SNAP91: variants seen among roughly 807,000 people sequenced by gnomAD.
SNAP91 encodes the protein clathrin coat assembly protein AP180.
In SNAP91, 27 loss-of-function variants were observed where a neutral mutation model predicts 100.3. The ratio of observed to expected loss-of-function variants is 0.27; its 90% CI spans 0.20 to 0.37. The LOEUF (loss-of-function observed/expected upper bound fraction) is 0.37. SNAP91 is among the 10% of genes least tolerant of loss of function. SNAP91 has a pLI of 1.00. For missense variants in SNAP91, 986 were observed against 1,123.7 expected (o/e 0.88, Z 1.75); for synonymous variants, 404 against 398.6 (o/e 1.01, Z -0.16).
intron 22 of SNAP91, among the ~76,000 whole-genome samples, chr6:83,586,275 T>C (rs951902822): frequency 2.6e-5 from 4 of 152,252 alleles, no homozygotes; most frequent in African/African-American, 9.6e-5. Context: ...GGCATGTTTG[T>C]ATTTTAAATT....
Position 83,556,179 on chromosome 6 carries a change from C to T in SNAP91, c.2698G>A (p.Asp900Asn), listed in dbSNP as rs1279310471. ...KKPPAKDPLA[D>N]LNIKDFL Reference sequence around the variant, plus strand: ...TACAAGAAATCCTTGATGTTAAGATCCGCTAATGGGTCCTTTGCTGGAGGT... The same window carrying T: ...TACAAGAAATCCTTGATGTTAAGATTCGCTAATGGGTCCTTTGCTGGAGGT... Residue 900 changes from aspartate to asparagine, a missense_variant, in exon 29 of 30, where the codon GAT (aspartate) becomes AAT (asparagine). Around this residue, in one of 4 missense-constraint regions of SNAP91, gnomAD observed 71 missense variants for 68.5 expected, o/e 1.04. Coordinates refer to ENST00000369694, the MANE Select transcript of SNAP91 (RefSeq NM_001242792.2). 6.4e-7 allele frequency: 1 copy of T among 1,570,824 alleles called. No individual in the cohort carries two copies. The highest frequency in any genetic ancestry group is 8.6e-7 in the Non-Finnish European group (1 of 1,157,472).
intron 8 of SNAP91, among the ~76,000 whole-genome samples, chr6:83,637,881 C>T (rs2097529567): frequency 6.6e-6 from 1 of 152,188 alleles, no homozygotes; most frequent in African/African-American, 2.4e-5. Flanking sequence ...TGAAACCAGG[C>T]CTGCAGATTT....
intron 2 of SNAP91, among the ~76,000 whole-genome samples, chr6:83,689,836 G>A: frequency 6.6e-6 from 1 of 151,862 alleles, no homozygotes. Context: ...TAGCAGTCTT[G>A]CATTCCTTTC....
At chr6:83,695,512 A>T (rs1203740575) in intron 2 of SNAP91, among the ~76,000 whole-genome samples, 1 of 152,150 alleles carries the variant, frequency 6.6e-6, no homozygotes, top group Non-Finnish European at 1.5e-5. Flanking sequence ...ACATTGATGC[A>T]ACAAATTTGG....
chr6:83,561,464 T>C (rs1445369994), intron 26 of SNAP91, among the ~76,000 whole-genome samples: 1 of 152,212 alleles, frequency 6.6e-6, no homozygotes, highest in East Asian at 1.9e-4. Context: ...AAAATGGTTC[T>C]AGCACCACAT....
At chr6:83,569,253 T>C (rs1283949695) in intron 26 of SNAP91, among the ~76,000 whole-genome samples, 1 of 152,316 alleles carries the variant, frequency 6.6e-6, no homozygotes, top group East Asian at 1.9e-4. Flanking sequence ...CTAATTTCTC[T>C]TTCCGTAGCT....
intron 20 of SNAP91, 61 bp downstream of exon 20, chr6:83,592,882 CCTT>C: frequency 1.7e-6 from 2 of 1,207,266 alleles, no homozygotes; most frequent in African/African-American, 1.5e-5. Context: ...CATGTTATAT[CCTT>C]CTCTCTATGC....
intron 2 of SNAP91, among the ~76,000 whole-genome samples, chr6:83,682,306 G>A (rs2099001130): frequency 6.6e-6 from 1 of 150,820 alleles, no homozygotes; most frequent in South Asian, 2.1e-4. Context: ...GCTTCCAACT[G>A]AGTAGCTGGG....
rs1177368984 is a variant in SNAP91 at position 83,605,674 on chromosome 6, G to A, written c.1141+11C>T. ...AATAGAGAAATGGCAAGGTTGTCTG[G>A]TTTTACTCACCTCCCCATGCAGTGG... On this transcript the variant is annotated intron_variant, in intron 14 of 29. Coordinates refer to ENST00000369694, the MANE Select transcript of SNAP91 (RefSeq NM_001242792.2). The A allele has an allele frequency of 1.9e-6, 3 of 1,551,312 alleles. No homozygotes were observed. The highest frequency in any genetic ancestry group is 2.6e-6 in the Non-Finnish European group (3 of 1,146,914).
chr6:83,643,160 G>C (rs1277909012), intron 7 of SNAP91, among the ~76,000 whole-genome samples: 1 of 152,100 alleles, frequency 6.6e-6, no homozygotes, highest in African/African-American at 2.4e-5. Flanking sequence ...TCTGATGGTA[G>C]TTTCTTTTGC....
chr6:83,588,546 C>A (rs1378766632), intron 22 of SNAP91, among the ~76,000 whole-genome samples: 5 of 152,280 alleles, frequency 3.3e-5, no homozygotes, highest in Non-Finnish European at 1.5e-5. Flanking sequence ...CCCTGCTGGA[C>A]CTGTCCATAT....
chr6:83,655,480 A>G (rs1384663540), intron 7 of SNAP91, among the ~76,000 whole-genome samples: 3 of 152,218 alleles, frequency 2.0e-5, no homozygotes, highest in East Asian at 3.9e-4. Context: ...GTACACTCCA[A>G]TACAGGCCTC....
At chr6:83,692,266 G>C (rs2099140726) in intron 2 of SNAP91, among the ~76,000 whole-genome samples, 1 of 152,186 alleles carries the variant, frequency 6.6e-6, no homozygotes. Context: ...TGTAATGCTA[G>C]GACTTTGGGA....
Position 83,566,559 on chromosome 6 carries a change from A to G in SNAP91, c.2443-5612T>C, listed in dbSNP as rs990589328. On this transcript the variant is annotated intron_variant, in intron 26 of 29. Transcript: ENST00000369694. ...CAAAATGAACCTGCAGAAATTCCTG[A>G]TCAAATAAATGGTCAAATAGTTTGA... Among the ~76,000 whole-genome samples the G allele has an allele frequency of 2.0e-5, 3 of 152,156 alleles. No individual in the cohort carries two copies. The East Asian group carries it at 5.8e-4, about 29-fold the overall frequency.
At chr6:83,693,969 G>A (rs2099162870) in intron 2 of SNAP91, among the ~76,000 whole-genome samples, 1 of 152,220 alleles carries the variant, frequency 6.6e-6, no homozygotes, top group Admixed American at 6.5e-5. Context: ...GTATATGGAT[G>A]CATTTTGAGG....
chr6:83,627,431 GTTC>G lies in SNAP91; in HGVS notation c.766-4092_766-4090del, dbSNP rs768516717. Reference sequence around the variant, plus strand: ...AATAGTTTCAGTAGAATTGCTTCCAGTTCTTCTTTTTACATCTGATAGAATTTA... The same window carrying G: ...AATAGTTTCAGTAGAATTGCTTCCAGTTCTTTTTACATCTGATAGAATTTA... On this transcript the variant is annotated intron_variant, in intron 8 of 29. Transcript: ENST00000369694. 3.3e-5 allele frequency among the ~76,000 whole-genome samples: 5 copies of G among 152,068 alleles called. 1 individual carries two copies. The highest frequency in any genetic ancestry group is 3.9e-4 in the East Asian group (2 of 5,170).
At chr6:83,577,660 T>C (rs1446994721) in intron 24 of SNAP91, among the ~76,000 whole-genome samples, 1 of 152,154 alleles carries the variant, frequency 6.6e-6, no homozygotes, top group African/African-American at 2.4e-5. Flanking sequence ...GAAACTGTGA[T>C]TGGGCAAGAC....
intron 27 of SNAP91, 51 bp from the exon 28 acceptor site, chr6:83,560,259 G>C: frequency 7.8e-7 from 1 of 1,276,330 alleles, no homozygotes; most frequent in Admixed American, 1.8e-5. Flanking sequence ...AACTCACTAG[G>C]GCACTATCCT....
chr6:83,575,601 T>C (rs1165568308), intron 25 of SNAP91: 1 of 206,606 alleles, frequency 4.8e-6, no homozygotes, highest in Non-Finnish European at 9.4e-6. Context: ...TATGTCTCAA[T>C]TTCAACGACA....
Sources: gnomAD v4.1 joint callset for allele counts (sites outside exome capture counted in the v4.1 genomes callset) on GRCh38, gnomAD v4.1.1 for gene constraint, gnomAD v4.1.1 regional missense constraint, MANE v1.5 for transcripts, NCBI Gene and HGNC (gene_info 2026-07-23, HGNC 2026-07-21) for gene names.